Variants in ADAM12 observed in about 807,000 individuals in gnomAD.
The protein encoded by ADAM12 is ADAM metallopeptidase domain 12, also known as disintegrin and metalloproteinase domain-containing protein 12.
Under a neutral mutation model 106.4 loss-of-function variants are expected in ADAM12, and 70 were observed. That is an observed-to-expected ratio of 0.66 (90% CI 0.54 to 0.80). The LOEUF (loss-of-function observed/expected upper bound fraction) is 0.80. ADAM12 is among the 30% of genes least tolerant of loss of function. The pLI is 0.00. For synonymous variants in ADAM12, 420 were observed against 433.5 expected (o/e 0.97, Z 0.39); for missense variants, 1,010 against 1,171.9 (o/e 0.86, Z 2.02).
At chr10:126,378,685 T>C (rs1395930521) in intron 1 of ADAM12, among the ~76,000 whole-genome samples, 1 of 152,166 alleles carries the variant, frequency 6.6e-6, no homozygotes, top group Non-Finnish European at 1.5e-5. Flanking sequence ...TGGCTATAAA[T>C]ATATCTTTAA....
chr10:126,017,239 C>G lies in ADAM12; in HGVS notation c.*40G>C. The stretch of plus-strand genomic sequence containing the variant: ...CTCCAACTGGAGCTGAAAGATAGTG[C>G]AAACTTCTGTCTTCACTGTTGAAAA... On this transcript the variant is annotated 3_prime_UTR_variant, in exon 23 of 23. Transcript: ENST00000448723. 1 of 1,530,758 alleles carries G rather than the reference C, an allele frequency of 6.5e-7. No individual in the cohort carries two copies. Among genetic ancestry groups the G allele is most frequent in the Non-Finnish European group, 8.8e-7 (1 of 1,130,876 alleles). 94.8% of individuals were successfully genotyped at this position (1,530,758 alleles called of 1,614,324 possible).
At chr10:126,187,594 A>G (rs1957423227) in intron 3 of ADAM12, among the ~76,000 whole-genome samples, 1 of 152,120 alleles carries the variant, frequency 6.6e-6, no homozygotes, top group Non-Finnish European at 1.5e-5. Flanking sequence ...CTGGGGCTAC[A>G]TTGCTCCTGC....
intron 3 of ADAM12, among the ~76,000 whole-genome samples, chr10:126,170,159 G>A (rs1276338527): frequency 6.6e-6 from 1 of 152,164 alleles, no homozygotes. Context: ...GGCCAGCTGA[G>A]CTCTCTTAAA....
At chr10:126,215,801 C>T (rs575290849) in intron 3 of ADAM12, among the ~76,000 whole-genome samples, 1 of 152,346 alleles carries the variant, frequency 6.6e-6, no homozygotes, top group Admixed American at 6.5e-5. Context: ...GGCACAACAA[C>T]AGCTTTAAGG....
At chr10:126,056,114 C>T (rs11593897) in intron 14 of ADAM12, among the ~76,000 whole-genome samples, 19,772 of 152,160 alleles carry the variant, frequency 0.13, 1,390 homozygotes, top group Middle Eastern at 0.29. Context: ...TTGAACGATG[C>T]GAGGTTCTAA....
At chr10:126,132,626 C>T (rs993566837) in intron 5 of ADAM12, among the ~76,000 whole-genome samples, 11 of 151,482 alleles carry the variant, frequency 7.3e-5, no homozygotes, top group Non-Finnish European at 1.5e-4. Context: ...CTAGAGGTCA[C>T]TGCATTTGTT....
At chr10:126,046,830 T>TA (rs1249673506) in intron 16 of ADAM12, among the ~76,000 whole-genome samples, 3 of 120,744 alleles carry the variant, frequency 2.5e-5, no homozygotes, top group Non-Finnish European at 5.2e-5. Flanking sequence ...AAAAAAAAGA[T>TA]ATAGGGGAGG....
chr10:126,291,497 G>A (rs1251293453), intron 2 of ADAM12, among the ~76,000 whole-genome samples: 1 of 152,136 alleles, frequency 6.6e-6, no homozygotes, highest in Non-Finnish European at 1.5e-5. Flanking sequence ...CACACTACAA[G>A]CCTCATAAAG....
intron 5 of ADAM12, among the ~76,000 whole-genome samples, chr10:126,118,800 T>C (rs985807936): frequency 2.6e-5 from 4 of 152,200 alleles, no homozygotes; most frequent in African/African-American, 9.7e-5. Flanking sequence ...GTCCATTATA[T>C]TACTCTGGAT....
intron 3 of ADAM12, among the ~76,000 whole-genome samples, chr10:126,159,107 A>G (rs1309896737): frequency 2.0e-5 from 3 of 152,154 alleles, no homozygotes; most frequent in Admixed American, 6.5e-5. Flanking sequence ...CAGGAGATCG[A>G]GACCATTCTG....
chr10:126,241,665 C>A (rs1285578854), intron 3 of ADAM12, among the ~76,000 whole-genome samples: 1 of 152,210 alleles, frequency 6.6e-6, no homozygotes, highest in African/African-American at 2.4e-5. Context: ...CACTTAATAG[C>A]TTTGTGGCCT....
chr10:126,197,841 G>C (rs1957625772), intron 3 of ADAM12, among the ~76,000 whole-genome samples: 1 of 152,190 alleles, frequency 6.6e-6, no homozygotes, highest in Non-Finnish European at 1.5e-5. Flanking sequence ...GTTATGAGTG[G>C]AGAAGAAGCA....
At chr10:126,331,566 A>C (rs151288168) in intron 1 of ADAM12, among the ~76,000 whole-genome samples, 99 of 152,322 alleles carry the variant, frequency 6.5e-4, no homozygotes, top group African/African-American at 2.2e-3. Flanking sequence ...TCCCGTAGTC[A>C]CTGTCTGAAA....
chr10:126,030,232 A>C (rs1953949893), intron 21 of ADAM12, among the ~76,000 whole-genome samples: 1 of 152,204 alleles, frequency 6.6e-6, no homozygotes, highest in African/African-American at 2.4e-5. Context: ...GAGTGACAGC[A>C]AGTTGACGGT....
At chr10:126,377,226 A>C (rs1856324485) in intron 1 of ADAM12, among the ~76,000 whole-genome samples, 1 of 152,196 alleles carries the variant, frequency 6.6e-6, no homozygotes, top group Non-Finnish European at 1.5e-5. Context: ...CAACTCTATT[A>C]GTCAGGGTTC....
chr10:126,381,509 CT>C (rs1856493224), intron 1 of ADAM12, among the ~76,000 whole-genome samples: 1 of 151,794 alleles, frequency 6.6e-6, no homozygotes, highest in East Asian at 1.9e-4. Context: ...TAAAAAAAAA[CT>C]TTTGAGACAG....
chr10:126,228,840 G>C (rs1184927362), intron 3 of ADAM12, among the ~76,000 whole-genome samples: 1 of 152,132 alleles, frequency 6.6e-6, no homozygotes, highest in Non-Finnish European at 1.5e-5. Flanking sequence ...AATAAAAGTG[G>C]CTGTTTTCTT....
At chr10:126,187,326 T>TAAA (rs10638442) in intron 3 of ADAM12, among the ~76,000 whole-genome samples, 12,471 of 148,540 alleles carry the variant, frequency 0.084, 889 homozygotes, top group African/African-American at 0.19. Flanking sequence ...GGAAATGAAA[T>TAAA]AAAAAAAAAA....
At chr10:126,109,030 T>C (rs1955823862) in intron 7 of ADAM12, among the ~76,000 whole-genome samples, 1 of 152,244 alleles carries the variant, frequency 6.6e-6, no homozygotes, top group Non-Finnish European at 1.5e-5. Flanking sequence ...TTTATATTTG[T>C]TTTTAAAAAT....
Sources: allele counts gnomAD v4.1 joint callset (sites outside exome capture counted in the v4.1 genomes callset), GRCh38; gene constraint gnomAD v4.1.1; transcripts MANE v1.5; gene names NCBI Gene and HGNC (gene_info 2026-07-23, HGNC 2026-07-21).